SCN2A: variants seen among roughly 807,000 people sequenced by gnomAD.
SCN2A encodes the protein sodium voltage-gated channel alpha subunit 2.
SCN2A carries 20 observed loss-of-function variants against 188.7 expected under a neutral mutation model. The observed-to-expected ratio is 0.11, with a 90% CI of 0.07 to 0.15. The LOEUF is 0.15. Ranked by LOEUF, SCN2A falls within the 10% of genes least tolerant of loss-of-function variation. The pLI, the probability that SCN2A is intolerant of heterozygous loss-of-function variation, is 1.00. For missense variants in SCN2A, 1,278 were observed against 2,445.0 expected (o/e 0.52, Z 10.07); for synonymous variants, 804 against 833.1 (o/e 0.97, Z 0.60).
At chr2:165,374,462 T>C (rs535847350) in intron 21 of SCN2A, among the ~76,000 whole-genome samples, 4 of 152,238 alleles carry the variant, frequency 2.6e-5, no homozygotes, top group African/African-American at 9.6e-5. Context: ...ATGTGTGTTA[T>C]TACCTCTTGA....
chr2:165,354,154 G>A (rs762784582), intron 16 of SCN2A, 38 bp from the exon 17 acceptor site: 3 of 1,612,228 alleles, frequency 1.9e-6, no homozygotes, highest in East Asian at 2.2e-5. Context: ...TGAAGCAATA[G>A]AATGTTTTGA....
chr2:165,255,563 T>TA (rs1483326815), intron 1 of SCN2A, among the ~76,000 whole-genome samples: 1 of 152,104 alleles, frequency 6.6e-6, no homozygotes, highest in Non-Finnish European at 1.5e-5. Flanking sequence ...TTTAACTCCA[T>TA]ATCCTAACAA....
At chr2:165,282,290 G>A (rs1384610264) in intron 1 of SCN2A, among the ~76,000 whole-genome samples, 2 of 152,136 alleles carry the variant, frequency 1.3e-5, no homozygotes, top group African/African-American at 2.4e-5. Flanking sequence ...GCAGGCTCAT[G>A]GGAAGGGTAG....
At chr2:165,281,774 C>T (rs150256152) in intron 1 of SCN2A, among the ~76,000 whole-genome samples, 1 of 152,250 alleles carries the variant, frequency 6.6e-6, no homozygotes, top group Non-Finnish European at 1.5e-5. Context: ...GGGCTGGCTT[C>T]GTGGGCAGCC....
At chr2:165,376,876 C>T (rs1413632638) in intron 22 of SCN2A, among the ~76,000 whole-genome samples, 3 of 151,964 alleles carry the variant, frequency 2.0e-5, no homozygotes, top group African/African-American at 7.2e-5. Flanking sequence ...AGTATTAAAT[C>T]TCCACTAGCT....
At chr2:165,267,304 C>T (rs748790696) in intron 1 of SCN2A, 5 of 151,896 alleles carry the variant, frequency 3.3e-5, no homozygotes, top group African/African-American at 4.8e-5. Flanking sequence ...AATCAGCACA[C>T]AAATGGAACA....
chr2:165,310,629 A>G (rs1336186894), intron 7 of SCN2A, 34 bp downstream of exon 7: 1 of 1,473,144 alleles, frequency 6.8e-7, no homozygotes, highest in Non-Finnish European at 9.3e-7. Flanking sequence ...TAAGTTGTTT[A>G]GTTCTCTAAA....
intron 1 of SCN2A, among the ~76,000 whole-genome samples, chr2:165,281,885 G>A (rs932789128): frequency 1.5e-4 from 23 of 152,248 alleles, no homozygotes; most frequent in African/African-American, 5.1e-4. Context: ...TTTAGGTTTT[G>A]TAAGTGAAAG....
At chr2:165,312,147 G>C in intron 8 of SCN2A, 59 bp downstream of exon 8, 1 of 1,252,392 alleles carries the variant, frequency 8.0e-7, no homozygotes. Context: ...TCAATAACCT[G>C]CCACCTCCCA....
rs531138859 is a variant in SCN2A, at chr2:165,255,055, G to C, written c.-52+15415G>C. Among the ~76,000 whole-genome samples, 8 of 151,772 alleles carry C rather than the reference G, an allele frequency of 5.3e-5. No homozygotes were observed. In the South Asian group the frequency reaches 1.5e-3, roughly 28 times the overall value. ...TAAACATCTGTTCAACTTTTGCTTTGTGATCTAATTTGGTACTTTGTGTTG... is the reference window on the plus strand; with the variant it reads ...TAAACATCTGTTCAACTTTTGCTTTCTGATCTAATTTGGTACTTTGTGTTG... On this transcript the variant is annotated intron_variant, in intron 1 of 26. Transcript: ENST00000375437.
Position 165,279,261 on chromosome 2 carries a change from C to A in SCN2A, c.-51-16512C>A, listed in dbSNP as rs147210410. On this transcript the variant is annotated intron_variant, in intron 1 of 26. Transcript: ENST00000375437. The stretch of plus-strand genomic sequence containing the variant: ...GGAGACGAAGAGAGTCTTCTTAGAC[C>A]AAATGGTATTTGAGATAATTTTGAT... Among the ~76,000 whole-genome samples the A allele has an allele frequency of 2.0e-5, 3 of 152,150 alleles. No homozygotes were observed. In the East Asian group the frequency reaches 5.8e-4, roughly 29 times the overall value.
rs200669270 is a variant in SCN2A at position 165,381,072 on chromosome 2, G to A, written c.4447-21G>A. ...CCAGCAAAGAACACAATTTTAACAA[G>A]TGTTGCTTTCATTTCTTTACTTTGG... On this transcript the variant is annotated intron_variant, in intron 24 of 26. Coordinates refer to ENST00000375437, the MANE Select transcript of SCN2A (RefSeq NM_001040142.2). The A allele has an allele frequency of 6.7e-6, 10 of 1,483,400 alleles. No homozygotes were observed. The African/African-American group carries it at 1.4e-4, about 20-fold the overall frequency. The allele number at this position is 1,483,400 out of a possible 1,614,324, so 91.9% of individuals were successfully genotyped here.
chr2:165,288,575 T>C (rs962322771), intron 1 of SCN2A, among the ~76,000 whole-genome samples: 1 of 151,730 alleles, frequency 6.6e-6, no homozygotes, highest in African/African-American at 2.4e-5. Flanking sequence ...CAGTAAACAC[T>C]GAACGTGAGT....
Position 165,323,460 on chromosome 2 carries a change from G to A in SCN2A, c.1976G>A (p.Gly659Asp), listed in dbSNP as rs368887417. The A allele has an allele frequency of 7.7e-5, 125 of 1,613,872 alleles. No individual in the cohort carries two copies. Among genetic ancestry groups the A allele is most frequent in the Middle Eastern group, 3.3e-4 (2 of 6,060 alleles). ...DCNGVVSLVG[G>D]PSTLTSAGQL... ...AATGGTGTGGTCTCCCTGGTCGGGG[G>A]CCCTTCTACCCTCACATCTGCTGGG... The change falls in exon 12 of 27, where the codon GGC becomes GAC. Residue 659 changes from glycine to aspartate, a missense_variant. This residue lies in a region of SCN2A where 315 missense variants were observed against 386.6 expected (regional missense o/e 0.81). Transcript: ENST00000375437.
chr2:165,251,354 G>C (rs985734725), intron 1 of SCN2A, among the ~76,000 whole-genome samples: 1 of 151,950 alleles, frequency 6.6e-6, no homozygotes, highest in African/African-American at 2.4e-5. Context: ...CAAAAGAAAC[G>C]ATAATATGTG....
intron 23 of SCN2A, among the ~76,000 whole-genome samples, chr2:165,379,866 G>A (rs1701508611): frequency 6.6e-6 from 1 of 151,720 alleles, no homozygotes; most frequent in Non-Finnish European, 1.5e-5. Flanking sequence ...ACCTGTGAAA[G>A]CTTACAGCTA....
At chr2:165,384,192 CAG>C (rs1467603916) in intron 25 of SCN2A, among the ~76,000 whole-genome samples, 1 of 151,716 alleles carries the variant, frequency 6.6e-6, no homozygotes, top group Non-Finnish European at 1.5e-5. Context: ...CAAAAGGAAA[CAG>C]AGGAGTTTAT....
intron 1 of SCN2A, among the ~76,000 whole-genome samples, chr2:165,290,028 T>G (rs2106135385): frequency 6.6e-6 from 1 of 152,288 alleles, no homozygotes; most frequent in African/African-American, 2.4e-5. Flanking sequence ...TTGTGAGAAC[T>G]TATTTGTATT....
chr2:165,360,574 T>C lies in SCN2A; in HGVS notation c.3400-4569T>C, dbSNP rs1033680909. Among the ~76,000 whole-genome samples, 47 of 151,942 alleles carry C rather than the reference T, an allele frequency of 3.1e-4. 1 individual carries two copies. The highest frequency in any genetic ancestry group is 1.5e-5 in the Non-Finnish European group (1 of 67,852). On this transcript the variant is annotated intron_variant, in intron 17 of 26. Coordinates refer to ENST00000375437, the MANE Select transcript of SCN2A (RefSeq NM_001040142.2). ...ACATTGTTCAAGTAATATTTCCACC[T>C]GAAAGTAAATGATTGCCAATGCTTT... is the stretch of plus-strand genomic sequence containing the variant.
Sources: allele counts gnomAD v4.1 joint callset (sites outside exome capture counted in the v4.1 genomes callset), GRCh38; gene constraint gnomAD v4.1.1; regional missense constraint gnomAD v4.1.1; transcripts MANE v1.5; gene names NCBI Gene and HGNC (gene_info 2026-07-23, HGNC 2026-07-21).